FAT4: variants seen among roughly 807,000 people sequenced by gnomAD.
FAT4 encodes the protein FAT atypical cadherin 4.
In FAT4, 84 loss-of-function variants were observed where a neutral mutation model predicts 303.9. The ratio of observed to expected loss-of-function variants is 0.28; its 90% CI spans 0.23 to 0.33. The LOEUF (loss-of-function observed/expected upper bound fraction) is 0.33, where lower values mean the gene tolerates loss of function less well. FAT4 is among the 10% of genes least tolerant of loss of function. The pLI, the probability that FAT4 is intolerant of heterozygous loss-of-function variation, is 1.00. For missense variants in FAT4, 6,005 were observed against 6,146.8 expected (o/e 0.98, Z 0.77); for synonymous variants, 2,307 against 2,298.8 (o/e 1.00, Z -0.10).
chr4:125,439,467 G>A (rs961575308), intron 8 of FAT4, among the ~76,000 whole-genome samples: 2 of 151,510 alleles, frequency 1.3e-5, no homozygotes, highest in African/African-American at 4.8e-5. Context: ...TGAGTAGCTG[G>A]GACTACAGGC....
At chr4:125,386,431 G>A (rs1290569687) in intron 2 of FAT4, among the ~76,000 whole-genome samples, 1 of 151,866 alleles carries the variant, frequency 6.6e-6, no homozygotes, top group East Asian at 1.9e-4. Flanking sequence ...GTGCACACCT[G>A]GCTAATTTTT....
At chr4:125,443,347 C>T (rs1430007905) in intron 8 of FAT4, among the ~76,000 whole-genome samples, 1 of 152,132 alleles carries the variant, frequency 6.6e-6, no homozygotes, top group Non-Finnish European at 1.5e-5. Flanking sequence ...TATATTGACA[C>T]AACTTGAGCA....
At chr4:125,439,694 T>C (rs544835813) in intron 8 of FAT4, among the ~76,000 whole-genome samples, 1 of 152,278 alleles carries the variant, frequency 6.6e-6, no homozygotes, top group South Asian at 2.1e-4. Context: ...TTCCTCCAAC[T>C]CTTTAATTCA....
chr4:125,480,061 A>G (rs1727173908), intron 15 of FAT4, among the ~76,000 whole-genome samples, 196 bp downstream of exon 15: 1 of 152,190 alleles, frequency 6.6e-6, no homozygotes, highest in Non-Finnish European at 1.5e-5. Flanking sequence ...ATATCCTTTT[A>G]AAAAATCGTT....
At chr4:125,364,730 T>C (rs1732799327) in intron 2 of FAT4, among the ~76,000 whole-genome samples, 1 of 151,866 alleles carries the variant, frequency 6.6e-6, no homozygotes, top group Non-Finnish European at 1.5e-5. Flanking sequence ...AGCTGGTGCA[T>C]GGAGTGCTGA....
intron 7 of FAT4, among the ~76,000 whole-genome samples, chr4:125,423,559 T>C (rs1266268194): frequency 1.3e-5 from 2 of 152,200 alleles, no homozygotes; most frequent in Non-Finnish European, 2.9e-5. Context: ...AATTTATACA[T>C]TGTTTAAATT....
intron 2 of FAT4, chr4:125,394,059 C>T (rs2126009043): frequency 1.3e-6 from 1 of 762,134 alleles, no homozygotes; most frequent in African/African-American, 1.7e-5. Context: ...GCAGATGAAA[C>T]CACACACATT....
chr4:125,477,115 C>G (rs986879801), intron 13 of FAT4, 40 bp from the exon 14 acceptor site: 2 of 1,294,644 alleles, frequency 1.5e-6, no homozygotes, highest in Non-Finnish European at 1.0e-6. Context: ...AAAATGTAAT[C>G]TTTTGACACT....
chr4:125,354,520 T>C (rs1346710706), intron 2 of FAT4, among the ~76,000 whole-genome samples: 1 of 151,726 alleles, frequency 6.6e-6, no homozygotes, highest in Non-Finnish European at 1.5e-5. Flanking sequence ...TAGTGTATAC[T>C]AGGTAAGAAA....
intron 2 of FAT4, among the ~76,000 whole-genome samples, chr4:125,339,600 T>C (rs570502805): frequency 6.6e-6 from 1 of 152,290 alleles, no homozygotes; most frequent in East Asian, 1.9e-4. Flanking sequence ...AAAACTAACA[T>C]TTATTTAAAA....
chr4:125,478,451 C>T (rs1044615876), intron 14 of FAT4, among the ~76,000 whole-genome samples: 2 of 151,950 alleles, frequency 1.3e-5, no homozygotes, highest in Admixed American at 1.3e-4. Context: ...AGGTCAAAAC[C>T]TACTGAAACA....
chr4:125,438,324 G>A (rs1725530497), intron 8 of FAT4, among the ~76,000 whole-genome samples: 1 of 152,100 alleles, frequency 6.6e-6, no homozygotes. Flanking sequence ...ATTGCAAAAT[G>A]CTATCCTATG....
At chr4:125,477,079 T>C (rs939183271) in intron 13 of FAT4, 76 bp from the exon 14 acceptor site, 9 of 1,163,894 alleles carry the variant, frequency 7.7e-6, no homozygotes, top group Non-Finnish European at 9.0e-6. Context: ...CTATATTCAC[T>C]CTTTTTCGAA....
At chr4:125,403,963 A>ATT (rs979611034) in intron 3 of FAT4, among the ~76,000 whole-genome samples, 3 of 152,088 alleles carry the variant, frequency 2.0e-5, no homozygotes, top group Non-Finnish European at 4.4e-5. Flanking sequence ...CAATCCCTTA[A>ATT]TTTCTTTTAA....
chr4:125,490,473 A>C lies in FAT4; in HGVS notation c.13657A>C (p.Ser4553Arg), dbSNP rs1727586383. The C allele has an allele frequency of 2.5e-6, 4 of 1,614,146 alleles. No individual in the cohort carries two copies. Among genetic ancestry groups the C allele is most frequent in the Non-Finnish European group, 3.4e-6 (4 of 1,180,022 alleles). The part of the protein sequence containing the change: ...KKPKEKKKKG[S>R]ENVAFDDPDN... ...ACCGAAGGAGAAGAAGAAAAAGGGA[A>C]GTGAGAACGTTGCTTTTGATGACCC... Residue 4553 changes from serine to arginine, a missense_variant, in exon 18 of 18, where the codon AGT becomes CGT. Physicochemically the swap from Ser to Arg is moderately radical, Grantham distance 110. Coordinates refer to ENST00000394329, the MANE Select transcript of FAT4 (RefSeq NM_001291303.3).
chr4:125,362,818 T>C (rs1041379855), intron 2 of FAT4: 5 of 152,280 alleles, frequency 3.3e-5, no homozygotes, highest in East Asian at 3.9e-4. Context: ...AAAGGGAAGA[T>C]AGCTGGTCTG....
At chr4:125,439,856 G>A (rs17009657) in intron 8 of FAT4, among the ~76,000 whole-genome samples, 10,457 of 152,080 alleles carry the variant, frequency 0.069, 376 homozygotes, top group Middle Eastern at 0.095. Flanking sequence ...TGCCTCCCAT[G>A]GCCTAGGAAA....
intron 2 of FAT4, among the ~76,000 whole-genome samples, chr4:125,340,994 G>GT (rs1380384546): frequency 1.3e-5 from 2 of 152,164 alleles, no homozygotes; most frequent in Non-Finnish European, 2.9e-5. Context: ...GTTATGTGTT[G>GT]TTATGTAGCT....
At chr4:125,374,311 A>T (rs1342104717) in intron 2 of FAT4, among the ~76,000 whole-genome samples, 2 of 152,158 alleles carry the variant, frequency 1.3e-5, no homozygotes, top group Non-Finnish European at 2.9e-5. Flanking sequence ...AAGTTGCAAC[A>T]CTCCAGAAAT....
Sources: gnomAD v4.1 joint callset for allele counts (sites outside exome capture counted in the v4.1 genomes callset) on GRCh38, gnomAD v4.1.1 for gene constraint, MANE v1.5 for transcripts, NCBI Gene and HGNC (gene_info 2026-07-23, HGNC 2026-07-21) for gene names.